The following SYT2 variants were observed in gnomAD, a reference collection of about 807,000 sequenced individuals.
The protein encoded by SYT2 is synaptotagmin 2, also known as synaptotagmin-2.
In SYT2, 15 loss-of-function variants were observed where a neutral mutation model predicts 39.9. The ratio of observed to expected loss-of-function variants is 0.38; its 90% CI spans 0.25 to 0.58. The LOEUF is 0.58. Among genes scored for constraint, SYT2 ranks in the 20% least tolerant of loss-of-function variants. The pLI, the probability that SYT2 is intolerant of heterozygous loss-of-function variation, is 0.70. For missense variants in SYT2, 389 were observed against 530.3 expected, an observed-to-expected ratio of 0.73 and a Z score of 2.62; for synonymous variants, 181 against 204.5, an observed-to-expected ratio of 0.89 and a Z score of 0.98.
chr1:202,644,714 A>G (rs1890873), intron 1 of SYT2, among the ~76,000 whole-genome samples: 1 of 151,634 alleles, frequency 6.6e-6, no homozygotes, highest in South Asian at 2.1e-4. Flanking sequence ...ACAAAAATCC[A>G]GTGTGCATGT....
chr1:202,600,932 C>A (rs1690482945), intron 6 of SYT2, among the ~76,000 whole-genome samples: 1 of 152,172 alleles, frequency 6.6e-6, no homozygotes, highest in South Asian at 2.1e-4. Flanking sequence ...TTTCCCTTAA[C>A]AGTCCCACCC....
chr1:202,655,725 T>C (rs10920444), intron 1 of SYT2, among the ~76,000 whole-genome samples: 39,698 of 152,048 alleles, frequency 0.26, 5,943 homozygotes, highest in Middle Eastern at 0.36. Context: ...GAAATGGGCA[T>C]GCGCTTGCGA....
intron 1 of SYT2, among the ~76,000 whole-genome samples, chr1:202,687,444 C>A (rs1480025629): frequency 6.6e-6 from 1 of 152,138 alleles, no homozygotes; most frequent in Non-Finnish European, 1.5e-5. Flanking sequence ...CTCCACGGGG[C>A]CACTCTCTTC....
At chr1:202,667,285 A>C (rs1380126882) in intron 1 of SYT2, among the ~76,000 whole-genome samples, 3 of 152,192 alleles carry the variant, frequency 2.0e-5, no homozygotes, top group African/African-American at 7.2e-5. Flanking sequence ...AAACACAACT[A>C]CTGCCAGAGA....
intron 3 of SYT2, among the ~76,000 whole-genome samples, chr1:202,603,665 C>T (rs749087064): frequency 1.3e-5 from 2 of 152,180 alleles, no homozygotes; most frequent in Non-Finnish European, 2.9e-5. Context: ...GGAAGGGCTA[C>T]ACCCAAGTCA....
intron 1 of SYT2, among the ~76,000 whole-genome samples, chr1:202,631,010 G>T (rs957795538): frequency 3.3e-5 from 5 of 152,216 alleles, no homozygotes; most frequent in Admixed American, 1.3e-4. Context: ...GGCAGCTGCA[G>T]GGCCCAGCCC....
At chr1:202,690,603 G>A in intron 1 of SYT2, among the ~76,000 whole-genome samples, 1 of 152,182 alleles carries the variant, frequency 6.6e-6, no homozygotes, top group East Asian at 1.9e-4. Context: ...CATGCTCAAG[G>A]ACAAGGTGGT....
intron 1 of SYT2, among the ~76,000 whole-genome samples, chr1:202,694,620 C>G (rs1428811672): frequency 6.6e-6 from 1 of 152,032 alleles, no homozygotes; most frequent in Admixed American, 6.6e-5. Context: ...AATAACATTA[C>G]GGCACTGATA....
At chr1:202,653,604 G>C (rs1444661820) in intron 1 of SYT2, among the ~76,000 whole-genome samples, 1 of 152,168 alleles carries the variant, frequency 6.6e-6, no homozygotes, top group Non-Finnish European at 1.5e-5. Context: ...ATTGGGAATA[G>C]GGAATGGCGG....
intron 1 of SYT2, among the ~76,000 whole-genome samples, chr1:202,652,945 T>C (rs1010399217): frequency 3.9e-5 from 6 of 152,094 alleles, no homozygotes; most frequent in Non-Finnish European, 8.8e-5. Context: ...CATATCATTT[T>C]CCTTCCCACC....
chr1:202,659,967 C>A (rs547545769), intron 1 of SYT2, among the ~76,000 whole-genome samples: 5 of 152,314 alleles, frequency 3.3e-5, no homozygotes, highest in South Asian at 2.1e-4. Context: ...TACCTCCAGA[C>A]CTGAGCTTGG....
chr1:202,694,820 T>A (rs1263806234), intron 1 of SYT2, among the ~76,000 whole-genome samples: 2 of 151,446 alleles, frequency 1.3e-5, no homozygotes, highest in Non-Finnish European at 2.9e-5. Flanking sequence ...CCTCCGACAC[T>A]TTAATATATT....
At position 202,700,733 on chromosome 1, in the gene SYT2, A is replaced by G. The variant is rs114396794; in HGVS notation, c.-18+9525T>C. On this transcript the variant is annotated intron_variant, in intron 1 of 8. Transcript: ENST00000367268. ...AGAAGGTAGCTAGAGTTTTATATCA[A>G]CTTCGGTGTTCGGTCTGTCTGCAAT... Among the ~76,000 whole-genome samples, 475 of 152,328 alleles carry G rather than the reference A, an allele frequency of 3.1e-3. 1 individual carries two copies. The highest frequency in any genetic ancestry group is 0.011 in the African/African-American group (461 of 41,570).
intron 1 of SYT2, chr1:202,630,269 TG>T (rs1558438944): frequency 3.6e-6 from 2 of 548,928 alleles, no homozygotes; most frequent in Non-Finnish European, 4.6e-6. Flanking sequence ...CAGAAAGAGC[TG>T]GGGGCTGACC....
intron 1 of SYT2, among the ~76,000 whole-genome samples, chr1:202,697,798 T>C (rs1201902296): frequency 6.6e-6 from 1 of 152,232 alleles, no homozygotes; most frequent in Admixed American, 6.5e-5. Flanking sequence ...GCATCTTGAA[T>C]GTATACCATT....
chr1:202,598,146 A>G (rs1690366930), intron 8 of SYT2, among the ~76,000 whole-genome samples: 1 of 152,192 alleles, frequency 6.6e-6, no homozygotes, highest in South Asian at 2.1e-4. Flanking sequence ...TGCTCAGTAA[A>G]GTATGTTGGA....
chr1:202,646,423 G>A (rs1011605087), intron 1 of SYT2, among the ~76,000 whole-genome samples: 2 of 151,936 alleles, frequency 1.3e-5, no homozygotes, highest in Non-Finnish European at 2.9e-5. Context: ...CCCTCATCAC[G>A]CTTATCCTTC....
At chr1:202,620,738 T>C (rs1484964882) in intron 1 of SYT2, among the ~76,000 whole-genome samples, 2 of 152,100 alleles carry the variant, frequency 1.3e-5, no homozygotes, top group Non-Finnish European at 2.9e-5. Flanking sequence ...GAGACTTGAT[T>C]GACAATCAAG....
At chr1:202,682,187 G>A (rs1386071816) in intron 1 of SYT2, among the ~76,000 whole-genome samples, 1 of 152,194 alleles carries the variant, frequency 6.6e-6, no homozygotes, top group Admixed American at 6.5e-5. Flanking sequence ...TGCCGGCTGG[G>A]AGCCAGGCAC....
Sources: allele counts gnomAD v4.1 joint callset (sites outside exome capture counted in the v4.1 genomes callset), GRCh38; gene constraint gnomAD v4.1.1; transcripts MANE v1.5; gene names NCBI Gene and HGNC (gene_info 2026-07-23, HGNC 2026-07-21).